GRM8: variants seen among roughly 807,000 people sequenced by gnomAD.
The protein encoded by GRM8 is metabotropic glutamate receptor 8.
GRM8 carries 47 observed loss-of-function variants against 87.2 expected under a neutral mutation model. That is an observed-to-expected ratio of 0.54 (90% CI 0.43 to 0.69). The LOEUF (loss-of-function observed/expected upper bound fraction) is 0.69, where lower values mean the gene tolerates loss of function less well. GRM8 is among the 30% of genes least tolerant of loss of function. The pLI, the probability that GRM8 is intolerant of heterozygous loss-of-function variation, is 0.00. For synonymous variants in GRM8, 396 were observed against 404.5 expected, an observed-to-expected ratio of 0.98 and a Z score of 0.25; for missense variants, 1,019 against 1,139.2, an observed-to-expected ratio of 0.89 and a Z score of 1.52.
chr7:126,968,881 C>T (rs1347778664), intron 3 of GRM8, among the ~76,000 whole-genome samples: 2 of 152,074 alleles, frequency 1.3e-5, no homozygotes, highest in Non-Finnish European at 2.9e-5. Flanking sequence ...TTGATTTAGT[C>T]ACCCCACAAT....
Position 126,583,080 on chromosome 7 carries a change from G to A in GRM8, c.1494+26282C>T, listed in dbSNP as rs540797888. 9.2e-5 allele frequency among the ~76,000 whole-genome samples: 14 copies of A among 152,316 alleles called. 1 individual carries two copies. The highest frequency in any genetic ancestry group is 3.4e-4 in the African/African-American group (14 of 41,570). On this transcript the variant is annotated intron_variant, in intron 8 of 10. Coordinates refer to ENST00000339582, the MANE Select transcript of GRM8 (RefSeq NM_000845.3). Reference sequence around the variant, plus strand: ...ACTTAAGAAATGCACTTCTTGCCAGGAGTGGTGGCTCATGCCTGTAGTCCC... The same window carrying A: ...ACTTAAGAAATGCACTTCTTGCCAGAAGTGGTGGCTCATGCCTGTAGTCCC...
chr7:126,828,335 CT>C (rs1795023310), intron 6 of GRM8, among the ~76,000 whole-genome samples: 1 of 152,126 alleles, frequency 6.6e-6, no homozygotes, highest in Non-Finnish European at 1.5e-5. Flanking sequence ...GTGAATCCAT[CT>C]GGTCCTGGAC....
At chr7:126,492,120 G>A (rs1463691351) in intron 9 of GRM8, among the ~76,000 whole-genome samples, 3 of 152,058 alleles carry the variant, frequency 2.0e-5, no homozygotes, top group Non-Finnish European at 4.4e-5. Context: ...ACGGTGGTGC[G>A]ATCTCAGCTT....
At chr7:126,496,856 T>G (rs959203120) in intron 9 of GRM8, among the ~76,000 whole-genome samples, 2 of 139,946 alleles carry the variant, frequency 1.4e-5, no homozygotes, top group African/African-American at 6.6e-5. Flanking sequence ...TTAGACATTA[T>G]TTTCCTAATC....
In GRM8 at chr7:127,242,742, C is replaced by T. The variant is rs1265117017; in HGVS notation, c.463G>A (p.Ala155Thr). ...GCAACCATGATGGACACGGAGCTTG[C>T]TGCAGCACCTATGACGCCAGAAATC... Reference protein sequence around the residue: ...DKISGVIGAAASSVSIMVANI... With the variant: ...DKISGVIGAATSSVSIMVANI... The change falls in exon 2 of 11, where the codon GCA (alanine) becomes ACA (threonine). Residue 155 changes from alanine to threonine, a missense_variant. By Grantham distance (58) the Ala-to-Thr change is moderately conservative (BLOSUM62 0). Coordinates refer to ENST00000339582, the MANE Select transcript of GRM8 (RefSeq NM_000845.3). The T allele has an allele frequency of 1.2e-6, 2 of 1,614,082 alleles. No individual in the cohort carries two copies. The highest frequency in any genetic ancestry group is 1.7e-6 in the Non-Finnish European group (2 of 1,180,024).
chr7:126,567,309 A>G (rs1794301490), intron 8 of GRM8, among the ~76,000 whole-genome samples: 1 of 151,890 alleles, frequency 6.6e-6, no homozygotes, highest in African/African-American at 2.4e-5. Context: ...TCACAAGGAC[A>G]AAAAAACCAA....
chr7:126,809,288 A>G (rs1253948099), intron 6 of GRM8, among the ~76,000 whole-genome samples: 1 of 152,184 alleles, frequency 6.6e-6, no homozygotes, highest in Non-Finnish European at 1.5e-5. Flanking sequence ...CTTGACATAT[A>G]GGATGACATA....
intron 3 of GRM8, among the ~76,000 whole-genome samples, chr7:127,010,337 T>C (rs1814762980): frequency 6.6e-6 from 1 of 152,172 alleles, no homozygotes. Flanking sequence ...ACGGTACTAA[T>C]ATAAGTTTTC....
At chr7:126,513,294 T>G (rs536761463) in intron 9 of GRM8, among the ~76,000 whole-genome samples, 1 of 152,268 alleles carries the variant, frequency 6.6e-6, no homozygotes, top group African/African-American at 2.4e-5. Flanking sequence ...TCTTCTTACC[T>G]GACCCTTCGG....
intron 3 of GRM8, among the ~76,000 whole-genome samples, chr7:126,972,319 A>T (rs758337025): frequency 2.6e-5 from 4 of 152,238 alleles, no homozygotes; most frequent in African/African-American, 4.8e-5. Flanking sequence ...GAGCAAAAAA[A>T]TTACTATTTG....
chr7:126,784,312 C>T (rs181612866), intron 6 of GRM8, among the ~76,000 whole-genome samples: 8 of 152,042 alleles, frequency 5.3e-5, no homozygotes, highest in Admixed American at 2.6e-4. Flanking sequence ...CATGCACATG[C>T]AAAAAAAGAA....
chr7:126,730,127 A>C (rs1485629896), intron 7 of GRM8, among the ~76,000 whole-genome samples: 1 of 152,176 alleles, frequency 6.6e-6, no homozygotes, highest in Non-Finnish European at 1.5e-5. Flanking sequence ...AGTGTCTTCT[A>C]TTCAGATCAG....
At chr7:126,929,057 A>C (rs1805456068) in intron 3 of GRM8, among the ~76,000 whole-genome samples, 4 of 152,198 alleles carry the variant, frequency 2.6e-5, no homozygotes, top group Admixed American at 2.6e-4. Flanking sequence ...CTCAGTATGG[A>C]AGGAGGAATT....
chr7:126,544,525 T>G (rs932650457), intron 8 of GRM8, among the ~76,000 whole-genome samples: 59 of 152,084 alleles, frequency 3.9e-4, no homozygotes, highest in African/African-American at 1.4e-3. Context: ...ATTATTATTA[T>G]TTTGAGACAG....
Position 126,720,739 on chromosome 7 carries a change from A to G in GRM8, c.1357+49126T>C, listed in dbSNP as rs147409388. ...GGATCTCTTATACCAACTGAATTTT[A>G]TATATTAATACTTCCTCGACCAAAG... On this transcript the variant is annotated intron_variant, in intron 7 of 10. Transcript: ENST00000339582. Among the ~76,000 whole-genome samples the G allele has an allele frequency of 5.6e-3, 851 of 152,318 alleles. 9 individuals carry two copies. Among genetic ancestry groups the G allele is most frequent in the Non-Finnish European group, 6.9e-3 (469 of 68,028 alleles).
At chr7:127,139,284 G>A (rs994569858) in intron 2 of GRM8, among the ~76,000 whole-genome samples, 8 of 152,192 alleles carry the variant, frequency 5.3e-5, no homozygotes, top group Middle Eastern at 6.8e-3. Flanking sequence ...CATACCTATT[G>A]AGGGCCTCAT....
At chr7:126,495,852 T>G (rs1252903340) in intron 9 of GRM8, among the ~76,000 whole-genome samples, 1 of 151,982 alleles carries the variant, frequency 6.6e-6, no homozygotes, top group South Asian at 2.1e-4. Context: ...GAGAAAAATT[T>G]GTTGGCAAGG....
At chr7:127,006,498 C>T (rs146972679) in intron 3 of GRM8, among the ~76,000 whole-genome samples, 3 of 152,152 alleles carry the variant, frequency 2.0e-5, no homozygotes, top group African/African-American at 7.2e-5. Context: ...TCCAATCAGA[C>T]GTCTGTCTCC....
At chr7:127,189,230 G>A (rs909643918) in intron 2 of GRM8, among the ~76,000 whole-genome samples, 3 of 152,108 alleles carry the variant, frequency 2.0e-5, no homozygotes, top group African/African-American at 7.2e-5. Context: ...TTCACTGTGG[G>A]GTATTCTTAA....
Sources: allele counts gnomAD v4.1 joint callset (sites outside exome capture counted in the v4.1 genomes callset), GRCh38; gene constraint gnomAD v4.1.1; transcripts MANE v1.5; gene names NCBI Gene and HGNC (gene_info 2026-07-23, HGNC 2026-07-21).